SLC25A13: variants seen among roughly 807,000 people sequenced by gnomAD.
SLC25A13 encodes the protein electrogenic aspartate/glutamate antiporter SLC25A13, mitochondrial.
SLC25A13 carries 70 observed loss-of-function variants against 85.5 expected under a neutral mutation model. The observed-to-expected ratio is 0.82, with a 90% CI of 0.68 to 1.00. The LOEUF is 1.00. Ranked by LOEUF, SLC25A13 falls within the 50% of genes least tolerant of loss-of-function variation. The probability of loss-of-function intolerance (pLI) is 0.00; values close to 1 mark genes in which losing one functional copy is unlikely to be tolerated. For synonymous variants in SLC25A13, 259 were observed against 288.7 expected, an observed-to-expected ratio of 0.90 and a Z score of 1.04; for missense variants, 765 against 819.8, an observed-to-expected ratio of 0.93 and a Z score of 0.82.
At chr7:96,241,879 C>T (rs550883124) in intron 3 of SLC25A13, among the ~76,000 whole-genome samples, 12 of 152,300 alleles carry the variant, frequency 7.9e-5, no homozygotes, top group African/African-American at 2.6e-4. Flanking sequence ...AGTTCTTCTC[C>T]TCCTCTCTGT....
chr7:96,240,389 G>A (rs1194292600), intron 3 of SLC25A13, among the ~76,000 whole-genome samples: 3 of 152,146 alleles, frequency 2.0e-5, no homozygotes, highest in Admixed American at 6.6e-5. Context: ...GATGCGGGAG[G>A]AGAGTCCACC....
intron 17 of SLC25A13, 111 bp downstream of exon 17, chr7:96,121,544 C>T: frequency 4.3e-6 from 6 of 1,407,730 alleles, no homozygotes; most frequent in East Asian, 2.3e-5. Context: ...TTCAACATTT[C>T]CCTAAATCTC....
rs1224580410 is a variant in SLC25A13 at position 96,193,684 on chromosome 7, A to C, written c.469-501T>G. Among the ~76,000 whole-genome samples, 4 of 152,232 alleles carry C rather than the reference A, an allele frequency of 2.6e-5. No individual in the cohort carries two copies. In the East Asian group the frequency reaches 7.7e-4, roughly 29 times the overall value. ...CTATTTCTCCAACACAGGGTTTCTC[A>C]GCCTTGCCATTATTGGCATTTTGGA... On this transcript the variant is annotated intron_variant, in intron 5 of 17. Transcript: ENST00000265631.
At chr7:96,204,101 G>A (rs1470573509) in intron 5 of SLC25A13, among the ~76,000 whole-genome samples, 1 of 152,040 alleles carries the variant, frequency 6.6e-6, no homozygotes, top group Non-Finnish European at 1.5e-5. Context: ...CCATTTCCCT[G>A]GAAAATTACT....
At chr7:96,297,202 A>G (rs1447816456) in intron 1 of SLC25A13, among the ~76,000 whole-genome samples, 1 of 152,246 alleles carries the variant, frequency 6.6e-6, no homozygotes, top group East Asian at 1.9e-4. Flanking sequence ...TGTTGAATGT[A>G]TATCATTTCT....
At chr7:96,299,948 T>C (rs77325419) in intron 1 of SLC25A13, among the ~76,000 whole-genome samples, 2,056 of 152,334 alleles carry the variant, frequency 0.013, 42 homozygotes, top group African/African-American at 0.047. Flanking sequence ...GTGGAACACC[T>C]GTACAGGGCA....
At chr7:96,250,364 G>T (rs941534200) in intron 3 of SLC25A13, among the ~76,000 whole-genome samples, 1 of 152,162 alleles carries the variant, frequency 6.6e-6, no homozygotes, top group Non-Finnish European at 1.5e-5. Flanking sequence ...ATAACTTGAA[G>T]AATAATGTGA....
intron 5 of SLC25A13, among the ~76,000 whole-genome samples, chr7:96,198,351 C>T (rs2116681751): frequency 6.6e-6 from 1 of 152,278 alleles, no homozygotes. Flanking sequence ...TCTAAAGTCT[C>T]TTGCAATATG....
chr7:96,227,165 C>T (rs1321633684), intron 4 of SLC25A13, among the ~76,000 whole-genome samples: 1 of 152,224 alleles, frequency 6.6e-6, no homozygotes, highest in East Asian at 1.9e-4. Flanking sequence ...GTAGTCCTAT[C>T]TGCAAAATTG....
At chr7:96,224,407 A>T (rs1796254764) in intron 4 of SLC25A13, among the ~76,000 whole-genome samples, 1 of 152,094 alleles carries the variant, frequency 6.6e-6, no homozygotes, top group Non-Finnish European at 1.5e-5. Context: ...TGCCCTGACA[A>T]CCACCCTCCC....
intron 5 of SLC25A13, among the ~76,000 whole-genome samples, chr7:96,202,430 A>C (rs1795294330): frequency 6.6e-6 from 1 of 152,204 alleles, no homozygotes; most frequent in Non-Finnish European, 1.5e-5. Flanking sequence ...CTATTTGATG[A>C]GAAGCCATTA....
At chr7:96,316,404 T>A (rs1584615429) in intron 1 of SLC25A13, among the ~76,000 whole-genome samples, 1 of 152,182 alleles carries the variant, frequency 6.6e-6, no homozygotes, top group East Asian at 1.9e-4. Context: ...GACAAAGGTG[T>A]TCTAAGATAA....
intron 15 of SLC25A13, among the ~76,000 whole-genome samples, chr7:96,123,676 G>C (rs1035654985): frequency 1.3e-5 from 2 of 152,138 alleles, no homozygotes; most frequent in African/African-American, 4.8e-5. Context: ...CAGGTATCTG[G>C]TAAGGCCTAA....
intron 4 of SLC25A13, among the ~76,000 whole-genome samples, chr7:96,227,696 C>T (rs893962566): frequency 6.6e-6 from 1 of 152,116 alleles, no homozygotes; most frequent in African/African-American, 2.4e-5. Context: ...GCCAGGCAAT[C>T]GACATATCCT....
At chr7:96,182,192 T>C (rs1794443610) in intron 11 of SLC25A13, among the ~76,000 whole-genome samples, 2 of 152,368 alleles carry the variant, frequency 1.3e-5, no homozygotes, top group South Asian at 4.1e-4. Flanking sequence ...GTCATTTTCA[T>C]GGCAAAGTTA....
At chr7:96,255,286 G>A (rs570915037) in intron 3 of SLC25A13, among the ~76,000 whole-genome samples, 64 of 152,250 alleles carry the variant, frequency 4.2e-4, no homozygotes, top group African/African-American at 1.4e-3. Context: ...ATGAAAGAGC[G>A]GAGATAGAAA....
intron 1 of SLC25A13, among the ~76,000 whole-genome samples, chr7:96,302,301 G>A (rs1295115585): frequency 6.6e-6 from 1 of 152,144 alleles, no homozygotes; most frequent in Non-Finnish European, 1.5e-5. Context: ...CTCCTAATAT[G>A]AGTTAGAGCA....
chr7:96,166,220 C>T (rs1328991876), intron 13 of SLC25A13, among the ~76,000 whole-genome samples: 1 of 152,196 alleles, frequency 6.6e-6, no homozygotes, highest in Non-Finnish European at 1.5e-5. Flanking sequence ...ACAACATGCA[C>T]ACTCACGCAC....
intron 3 of SLC25A13, among the ~76,000 whole-genome samples, chr7:96,236,346 T>A (rs1341638202): frequency 6.6e-6 from 1 of 151,052 alleles, no homozygotes; most frequent in African/African-American, 2.5e-5. Flanking sequence ...GGGGCAAATA[T>A]GAGTCAAGCA....
Sources: allele counts gnomAD v4.1 joint callset (sites outside exome capture counted in the v4.1 genomes callset), GRCh38; gene constraint gnomAD v4.1.1; transcripts MANE v1.5; gene names NCBI Gene and HGNC (gene_info 2026-07-23, HGNC 2026-07-21).